Variants in ENPP2 observed in about 807,000 individuals in gnomAD.
ENPP2 encodes the protein autotaxin.
ENPP2 carries 51 observed loss-of-function variants against 120.2 expected under a neutral mutation model. That is an observed-to-expected ratio of 0.42 (90% confidence interval 0.34 to 0.54). ENPP2 has a LOEUF of 0.54. ENPP2 is among the 20% of genes least tolerant of loss of function. The pLI is 0.04. For missense variants in ENPP2, 920 were observed against 1,066.5 expected (o/e 0.86, Z 1.91); for synonymous variants, 365 against 366.4 (o/e 1.00, Z 0.04).
chr8:119,615,857 C>A (rs968258725), intron 8 of ENPP2, among the ~76,000 whole-genome samples: 1 of 151,920 alleles, frequency 6.6e-6, no homozygotes, highest in Non-Finnish European at 1.5e-5. Flanking sequence ...TGAAATTCAC[C>A]TCATCACCAT....
intron 11 of ENPP2, among the ~76,000 whole-genome samples, chr8:119,599,099 C>G (rs968386449): frequency 6.6e-6 from 1 of 152,160 alleles, no homozygotes; most frequent in African/African-American, 2.4e-5. Flanking sequence ...AATAAAACAG[C>G]CATTCTTGCT....
At chr8:119,621,025 G>A (rs180810070) in intron 4 of ENPP2, among the ~76,000 whole-genome samples, 123 of 152,290 alleles carry the variant, frequency 8.1e-4, no homozygotes, top group Non-Finnish European at 1.4e-3. Flanking sequence ...TCCCTATCCT[G>A]CTTCCCTTTC....
chr8:119,567,218 A>G (rs1302900956), intron 22 of ENPP2, among the ~76,000 whole-genome samples: 2 of 152,218 alleles, frequency 1.3e-5, no homozygotes, highest in Non-Finnish European at 2.9e-5. Flanking sequence ...AAGCTACTTC[A>G]TAATGCTTAC....
chr8:119,591,921 T>G (rs1447080285), intron 12 of ENPP2, among the ~76,000 whole-genome samples: 1 of 152,132 alleles, frequency 6.6e-6, no homozygotes, highest in African/African-American at 2.4e-5. Context: ...TTGTTATATT[T>G]CTAGGAAGTC....
intron 5 of ENPP2, chr8:119,618,243 C>T (rs369522206): frequency 8.3e-4 from 403 of 483,574 alleles, no homozygotes; most frequent in Non-Finnish European, 1.5e-3. Context: ...ATTTTTGTTC[C>T]GGGGATGTGC....
intron 9 of ENPP2, among the ~76,000 whole-genome samples, chr8:119,603,905 G>C (rs758416958): frequency 2.6e-5 from 4 of 151,988 alleles, no homozygotes; most frequent in Non-Finnish European, 5.9e-5. Context: ...TGTTTGTGTT[G>C]AGAATAAGAT....
chr8:119,616,972 T>A (rs1815499347), intron 7 of ENPP2, among the ~76,000 whole-genome samples, 192 bp downstream of exon 7: 1 of 152,222 alleles, frequency 6.6e-6, no homozygotes, highest in South Asian at 2.1e-4. Context: ...AGCTTTAAAG[T>A]TGGAATGAAG....
chr8:119,653,622 T>C (rs957927459), intron 1 of ENPP2, among the ~76,000 whole-genome samples: 1 of 142,410 alleles, frequency 7.0e-6, no homozygotes, highest in Non-Finnish European at 1.5e-5. Context: ...AGAGACAATG[T>C]CAAAGAAGTA....
rs201046948 is a variant in ENPP2 at position 119,644,430 on chromosome 8, C to CAT, written c.22-5905_22-5904dup. Among the ~76,000 whole-genome samples the CAT allele has an allele frequency of 4.7e-4, 71 of 150,932 alleles. 2 individuals carry two copies. In the East Asian group the frequency reaches 0.013, roughly 27 times the overall value. ...ATAGATACTTAATGATTATGATGAC[C>CAT]ATATATATACTCAGTGAAGTCACTT... On this transcript the variant is annotated intron_variant, in intron 1 of 25. Transcript: ENST00000427067.
intron 15 of ENPP2, among the ~76,000 whole-genome samples, chr8:119,585,466 A>C (rs1813039388): frequency 6.6e-6 from 1 of 152,222 alleles, no homozygotes; most frequent in Non-Finnish European, 1.5e-5. Context: ...ACCCAGCTAG[A>C]GTACATGTGG....
At chr8:119,579,990 G>A (rs1422420480) in intron 19 of ENPP2, 126 bp downstream of exon 19, 1 of 742,974 alleles carries the variant, frequency 1.3e-6, no homozygotes, top group African/African-American at 1.8e-5. Context: ...AGGTATGAAA[G>A]TCACTTTGAA....
intron 8 of ENPP2, among the ~76,000 whole-genome samples, chr8:119,612,202 G>T (rs1249542817): frequency 1.3e-5 from 2 of 152,114 alleles, no homozygotes; most frequent in Admixed American, 1.3e-4. Flanking sequence ...GTAAGCAAAG[G>T]CACCAGGTTA....
intron 2 of ENPP2, among the ~76,000 whole-genome samples, chr8:119,636,377 A>G (rs1817000897): frequency 6.6e-6 from 1 of 152,214 alleles, no homozygotes; most frequent in Non-Finnish European, 1.5e-5. Flanking sequence ...AAAAGCACAT[A>G]AGCTACATCA....
At chr8:119,622,031 C>T (rs960861750) in intron 3 of ENPP2, among the ~76,000 whole-genome samples, 53 of 152,138 alleles carry the variant, frequency 3.5e-4, no homozygotes, top group Admixed American at 3.9e-4. Flanking sequence ...CTGGTTCAAG[C>T]GATTATCCCG....
chr8:119,576,055 C>A (rs1050013812), intron 19 of ENPP2, among the ~76,000 whole-genome samples: 5 of 152,172 alleles, frequency 3.3e-5, no homozygotes, highest in Non-Finnish European at 5.9e-5. Context: ...CCAGAATTGA[C>A]AAGAGCTAAA....
At chr8:119,636,788 T>G (rs1817025541) in intron 2 of ENPP2, among the ~76,000 whole-genome samples, 2 of 152,132 alleles carry the variant, frequency 1.3e-5, no homozygotes, top group African/African-American at 4.8e-5. Context: ...TGGGATTTTT[T>G]TTTTTTAATC....
intron 3 of ENPP2, among the ~76,000 whole-genome samples, chr8:119,624,709 A>G (rs371709031): frequency 1.3e-5 from 2 of 152,208 alleles, no homozygotes; most frequent in South Asian, 4.1e-4. Context: ...AGATTTATTA[A>G]TACAGATACT....
intron 2 of ENPP2, among the ~76,000 whole-genome samples, chr8:119,631,127 C>A (rs1408353268): frequency 6.7e-6 from 1 of 149,440 alleles, no homozygotes; most frequent in Non-Finnish European, 1.5e-5. Flanking sequence ...AACTCCTGAC[C>A]TCGTGATCCG....
At chr8:119,562,540 G>T (rs1439308542) in intron 24 of ENPP2, among the ~76,000 whole-genome samples, 1 of 152,158 alleles carries the variant, frequency 6.6e-6, no homozygotes, top group Non-Finnish European at 1.5e-5. Context: ...TCAAAATTTT[G>T]CTAGTTCCTA....
Sources: gnomAD v4.1 joint callset for allele counts (sites outside exome capture counted in the v4.1 genomes callset) on GRCh38, gnomAD v4.1.1 for gene constraint, MANE v1.5 for transcripts, NCBI Gene and HGNC (gene_info 2026-07-23, HGNC 2026-07-21) for gene names.